MGLL: variants seen among roughly 807,000 people sequenced by gnomAD.
MGLL encodes the protein lysophospholipase homolog.
Under a neutral mutation model 29.1 loss-of-function variants are expected in MGLL, and 7 were observed. The observed-to-expected ratio is 0.24, with a 90% CI of 0.14 to 0.45. The LOEUF (loss-of-function observed/expected upper bound fraction) is 0.45. MGLL is among the 20% of genes least tolerant of loss of function. The pLI, the probability that MGLL is intolerant of heterozygous loss-of-function variation, is 0.99. For synonymous variants in MGLL, 148 were observed against 168.3 expected (o/e 0.88, Z 0.93); for missense variants, 356 against 413.6 (o/e 0.86, Z 1.21).
At chr3:127,762,702 C>T (rs185996879) in intron 3 of MGLL, among the ~76,000 whole-genome samples, 1 of 152,278 alleles carries the variant, frequency 6.6e-6, no homozygotes, top group Non-Finnish European at 1.5e-5. Context: ...CTGTCAGGGA[C>T]CATCAAATGA....
intron 2 of MGLL, among the ~76,000 whole-genome samples, chr3:127,810,037 CT>C (rs2077634640): frequency 6.6e-6 from 1 of 152,200 alleles, no homozygotes; most frequent in African/African-American, 2.4e-5. Context: ...CACATGGCCC[CT>C]GACTCTATCA....
At chr3:127,774,634 G>C (rs559464803) in intron 3 of MGLL, among the ~76,000 whole-genome samples, 2 of 152,320 alleles carry the variant, frequency 1.3e-5, no homozygotes, top group African/African-American at 4.8e-5. Context: ...TTGCAGGTGA[G>C]CTGGCAGGTA....
chr3:127,719,265 G>A (rs900740987), intron 5 of MGLL, among the ~76,000 whole-genome samples: 1 of 152,230 alleles, frequency 6.6e-6, no homozygotes, highest in Admixed American at 6.5e-5. Context: ...TCCCCCTGGT[G>A]CACTTTATCT....
chr3:127,706,316 T>G (rs547613581), intron 6 of MGLL, among the ~76,000 whole-genome samples: 1 of 152,132 alleles, frequency 6.6e-6, no homozygotes, highest in African/African-American at 2.4e-5. Flanking sequence ...AGAAGCTCAG[T>G]TGGGCCTGCT....
At chr3:127,778,820 T>G (rs1261342195) in intron 3 of MGLL, among the ~76,000 whole-genome samples, 2 of 152,194 alleles carry the variant, frequency 1.3e-5, no homozygotes, top group African/African-American at 4.8e-5. Flanking sequence ...GGTGTGATCA[T>G]GGCTTACTGC....
At chr3:127,775,847 TCG>T (rs2077027372) in intron 3 of MGLL, among the ~76,000 whole-genome samples, 2 of 152,198 alleles carry the variant, frequency 1.3e-5, no homozygotes, top group Non-Finnish European at 2.9e-5. Flanking sequence ...CCACCGTCTC[TCG>T]CAGCAGCGCC....
At chr3:127,724,257 T>C (rs1197044572) in intron 3 of MGLL, among the ~76,000 whole-genome samples, 1 of 152,214 alleles carries the variant, frequency 6.6e-6, no homozygotes, top group Non-Finnish European at 1.5e-5. Flanking sequence ...TACTCCACTT[T>C]CTGCTTCTAT....
At chr3:127,756,089 T>C (rs1475949771) in intron 3 of MGLL, among the ~76,000 whole-genome samples, 2 of 152,184 alleles carry the variant, frequency 1.3e-5, no homozygotes, top group East Asian at 1.9e-4. Context: ...ATGTCTGAAA[T>C]ATAAATGTAA....
intron 2 of MGLL, among the ~76,000 whole-genome samples, chr3:127,819,510 A>G (rs922052926): frequency 2.0e-5 from 3 of 152,130 alleles, no homozygotes; most frequent in African/African-American, 4.8e-5. Flanking sequence ...GGGAGGGTTC[A>G]GTCTCCTCTT....
At position 127,761,454 on chromosome 3, in the gene MGLL, A is replaced by G. The variant is rs7644343; in HGVS notation, c.262+20335T>C. Among the ~76,000 whole-genome samples the G allele has an allele frequency of 6.4e-3, 979 of 152,316 alleles. 18 individuals carry two copies. The highest frequency in any genetic ancestry group is 0.022 in the African/African-American group (918 of 41,572). On this transcript the variant is annotated intron_variant, in intron 3 of 7. Transcript: ENST00000265052. The surrounding 1 kb of genome is among the most constrained non-coding windows in gnomAD (Gnocchi z 4.6). ...TCCAGCAAGCAGTACTAACCTCCAC[A>G]GCCAGGGTGGAAGCCACAGAACACT...
chr3:127,721,677 C>T (rs2075928817), intron 4 of MGLL, among the ~76,000 whole-genome samples: 1 of 152,080 alleles, frequency 6.6e-6, no homozygotes, highest in South Asian at 2.1e-4. Context: ...TTTGCTGAAG[C>T]ACAAAGGTGC....
chr3:127,805,707 C>G (rs2077553630), intron 2 of MGLL, among the ~76,000 whole-genome samples: 1 of 152,212 alleles, frequency 6.6e-6, no homozygotes, highest in Non-Finnish European at 1.5e-5. Context: ...AGCAAACAGA[C>G]TTGGGTTCAA....
intron 7 of MGLL, among the ~76,000 whole-genome samples, chr3:127,693,044 T>G (rs2075277619): frequency 6.6e-6 from 1 of 152,164 alleles, no homozygotes; most frequent in Non-Finnish European, 1.5e-5. Flanking sequence ...ACTTCCCTTC[T>G]GCCTCTAGAC....
intron 3 of MGLL, among the ~76,000 whole-genome samples, chr3:127,765,764 C>T (rs893197747): frequency 1.3e-5 from 2 of 152,192 alleles, no homozygotes; most frequent in Non-Finnish European, 2.9e-5. Flanking sequence ...CGCATGTGGC[C>T]GCATCGCTCC....
At chr3:127,798,277 C>G (rs2077419150) in intron 2 of MGLL, among the ~76,000 whole-genome samples, 1 of 152,192 alleles carries the variant, frequency 6.6e-6, no homozygotes, top group South Asian at 2.1e-4. Context: ...TGTTCAGGTT[C>G]TCTATGCGTC....
At chr3:127,768,857 A>G (rs1482005396) in intron 3 of MGLL, among the ~76,000 whole-genome samples, 1 of 152,108 alleles carries the variant, frequency 6.6e-6, no homozygotes, top group Non-Finnish European at 1.5e-5. Context: ...CTTGCTAAAC[A>G]CTGACTGCTG....
chr3:127,731,617 C>G (rs997845427), intron 3 of MGLL, among the ~76,000 whole-genome samples: 16 of 152,118 alleles, frequency 1.1e-4, no homozygotes, highest in East Asian at 5.8e-4. Flanking sequence ...TTAAGGACAG[C>G]CTTGCATCTG....
At chr3:127,699,876 C>T (rs574945353) in intron 6 of MGLL, among the ~76,000 whole-genome samples, 1 of 152,310 alleles carries the variant, frequency 6.6e-6, no homozygotes, top group East Asian at 1.9e-4. Context: ...GATAGGGGAG[C>T]CCTTCTGGGC....
At chr3:127,707,972 T>C (rs938376792) in intron 6 of MGLL, among the ~76,000 whole-genome samples, 2 of 152,196 alleles carry the variant, frequency 1.3e-5, no homozygotes, top group East Asian at 3.9e-4. Context: ...ATTCCAGATC[T>C]TCCCTGGGGC....
Sources: gnomAD v4.1 joint callset for allele counts (sites outside exome capture counted in the v4.1 genomes callset) on GRCh38, gnomAD v4.1.1 for gene constraint, Gnocchi (gnomAD v3.1) non-coding constraint, MANE v1.5 for transcripts, NCBI Gene and HGNC (gene_info 2026-07-23, HGNC 2026-07-21) for gene names.